TGFBR2: variants seen among roughly 807,000 people sequenced by gnomAD.
TGFBR2 encodes transforming growth factor beta receptor 2.
In TGFBR2, 18 loss-of-function variants were observed where a neutral mutation model predicts 49.0. The observed-to-expected ratio is 0.37, with a 90% CI of 0.25 to 0.54. The LOEUF (loss-of-function observed/expected upper bound fraction) is 0.54. Among genes scored for constraint, TGFBR2 ranks in the 20% least tolerant of loss-of-function variants. The pLI is 0.85. For synonymous variants in TGFBR2, 282 were observed against 275.9 expected (o/e 1.02, Z -0.22); for missense variants, 525 against 722.6 (o/e 0.73, Z 3.13).
At chr3:30,634,233 A>T (rs1698486741) in intron 1 of TGFBR2, among the ~76,000 whole-genome samples, 2 of 152,186 alleles carry the variant, frequency 1.3e-5, no homozygotes, top group African/African-American at 4.8e-5. Flanking sequence ...GATTTTTCAG[A>T]TTCTCTAATA....
At chr3:30,647,487 G>T (rs532863309) in intron 2 of TGFBR2, among the ~76,000 whole-genome samples, 1 of 152,292 alleles carries the variant, frequency 6.6e-6, no homozygotes, top group Admixed American at 6.5e-5. Flanking sequence ...AAAATAGCCA[G>T]TGTGGAAACT....
At chr3:30,654,972 C>T (rs1197203129) in intron 3 of TGFBR2, among the ~76,000 whole-genome samples, 1 of 152,172 alleles carries the variant, frequency 6.6e-6, no homozygotes, top group Non-Finnish European at 1.5e-5. Flanking sequence ...GTGTAATACT[C>T]AAGAATGAGC....
intron 1 of TGFBR2, among the ~76,000 whole-genome samples, chr3:30,620,800 G>A (rs1383321652): frequency 6.6e-6 from 1 of 152,116 alleles, no homozygotes; most frequent in East Asian, 1.9e-4. Flanking sequence ...TGCTGGAATA[G>A]GGATGGCTGA....
chr3:30,687,149 C>G (rs903767323), intron 5 of TGFBR2, among the ~76,000 whole-genome samples: 1 of 152,172 alleles, frequency 6.6e-6, no homozygotes, highest in East Asian at 1.9e-4. Flanking sequence ...TAAGGATGTT[C>G]AAGGAAGTTT....
At chr3:30,625,779 A>G (rs1698321719) in intron 1 of TGFBR2, among the ~76,000 whole-genome samples, 1 of 152,204 alleles carries the variant, frequency 6.6e-6, no homozygotes, top group Non-Finnish European at 1.5e-5. Flanking sequence ...TATGTATATA[A>G]TAATGTTCTG....
chr3:30,691,196 A>G (rs1279385108), intron 6 of TGFBR2, among the ~76,000 whole-genome samples: 3 of 152,214 alleles, frequency 2.0e-5, no homozygotes, highest in Non-Finnish European at 2.9e-5. Context: ...GCCAAAAAGT[A>G]TGGTAGGTTT....
At position 30,672,469 on chromosome 3, in the gene TGFBR2, C is replaced by T; in HGVS notation, c.1254+32C>T. On this transcript the variant is annotated intron_variant, in intron 4 of 6. Coordinates refer to ENST00000295754, the MANE Select transcript of TGFBR2 (RefSeq NM_003242.6). This position sits in a 1 kb window ranked among gnomAD's most constrained non-coding sequence, Gnocchi z 4.5. ...TAGAGCTAGTGCTAGATCCCCTTTA[C>T]CTTGAGCCTGGCCTCACCCTACCTC... is the stretch of plus-strand genomic sequence containing the variant. 6.2e-7 allele frequency: 1 copy of T among 1,610,412 alleles called. No homozygotes were observed. Among genetic ancestry groups the T allele is most frequent in the Non-Finnish European group, 8.5e-7 (1 of 1,176,692 alleles).
intron 2 of TGFBR2, among the ~76,000 whole-genome samples, chr3:30,646,595 A>G (rs796680669): frequency 7.2e-5 from 11 of 152,328 alleles, no homozygotes; most frequent in African/African-American, 2.6e-4. Flanking sequence ...GCATAAGTTT[A>G]GACATTTTCA....
At chr3:30,681,066 G>A (rs1307387645) in intron 5 of TGFBR2, among the ~76,000 whole-genome samples, 3 of 149,210 alleles carry the variant, frequency 2.0e-5, no homozygotes, top group African/African-American at 4.9e-5. Context: ...AAGCTGACAC[G>A]TAGCAGCCAG....
At chr3:30,673,175 C>T (rs959069301) in intron 4 of TGFBR2, among the ~76,000 whole-genome samples, 5 of 152,098 alleles carry the variant, frequency 3.3e-5, no homozygotes, top group South Asian at 2.1e-4. Context: ...TCCATGGCAG[C>T]GCACGCAGTG....
chr3:30,613,098 G>T (rs1419645466), intron 1 of TGFBR2, among the ~76,000 whole-genome samples: 2 of 149,992 alleles, frequency 1.3e-5, no homozygotes, highest in Non-Finnish European at 3.0e-5. Context: ...TGACTGGGGA[G>T]ATTCTATCTG....
Position 30,676,152 on chromosome 3 carries a change from G to A in TGFBR2, c.1396+1906G>A, listed in dbSNP as rs895718116. On this transcript the variant is annotated intron_variant, in intron 5 of 6. Transcript: ENST00000295754. This position sits in a 1 kb window ranked among gnomAD's most constrained non-coding sequence, Gnocchi z 4.3. ...AAATGATAGTGTGCCTATCTTCAGT[G>A]CGTCATATCAGGGGGAATAAGATGT... 6.6e-6 allele frequency among the ~76,000 whole-genome samples: 1 copy of A among 152,158 alleles called. No individual in the cohort carries two copies. The highest frequency in any genetic ancestry group is 2.4e-5 in the African/African-American group (1 of 41,440).
At chr3:30,648,254 T>C (rs1698805163) in intron 2 of TGFBR2, among the ~76,000 whole-genome samples, 1 of 152,144 alleles carries the variant, frequency 6.6e-6, no homozygotes, top group African/African-American at 2.4e-5. Context: ...AGCTAAGAGG[T>C]AGAAAACCGG....
intron 1 of TGFBR2, among the ~76,000 whole-genome samples, chr3:30,627,644 C>G (rs1264873082): frequency 1.3e-5 from 2 of 151,680 alleles, no homozygotes; most frequent in Non-Finnish European, 2.9e-5. Flanking sequence ...ATATCTTATA[C>G]CTGGGCTGTG....
At chr3:30,680,980 A>G (rs1223825968) in intron 5 of TGFBR2, among the ~76,000 whole-genome samples, 3 of 151,702 alleles carry the variant, frequency 2.0e-5, no homozygotes, top group Non-Finnish European at 4.4e-5. Flanking sequence ...CAGGCAAAAT[A>G]CTCTCGTCAT....
In TGFBR2 at chr3:30,632,847, G is replaced by T. The variant is rs17025815; in HGVS notation, c.95-11900G>T. On this transcript the variant is annotated intron_variant, in intron 1 of 6. Transcript: ENST00000295754. ...GTTAAGTGGCCCACAGCTAATACAT[G>T]TAAGAGCCTGAATTCACACTCAAGT... Among the ~76,000 whole-genome samples, 114 of 152,314 alleles carry T rather than the reference G, an allele frequency of 7.5e-4. 1 individual carries two copies. Among genetic ancestry groups the T allele is most frequent in the Non-Finnish European group, 1.2e-3 (85 of 68,022 alleles).
chr3:30,620,874 C>T (rs2125451506), intron 1 of TGFBR2, among the ~76,000 whole-genome samples: 1 of 152,228 alleles, frequency 6.6e-6, no homozygotes, highest in Non-Finnish European at 1.5e-5. Context: ...GGTAAATAAT[C>T]CCATATTGCA....
intron 1 of TGFBR2, among the ~76,000 whole-genome samples, chr3:30,623,828 A>G (rs778445259): frequency 4.6e-5 from 7 of 152,186 alleles, no homozygotes; most frequent in Non-Finnish European, 8.8e-5. Context: ...AAATTCTTAA[A>G]CATGAATGTC....
chr3:30,612,318 A>T (rs560768099), intron 1 of TGFBR2, among the ~76,000 whole-genome samples: 1 of 152,256 alleles, frequency 6.6e-6, no homozygotes, highest in East Asian at 1.9e-4. Context: ...GCCTGGGTGC[A>T]TGTATGAGTG....
Sources: gnomAD v4.1 joint callset for allele counts (sites outside exome capture counted in the v4.1 genomes callset) on GRCh38, gnomAD v4.1.1 for gene constraint, Gnocchi (gnomAD v3.1) non-coding constraint, MANE v1.5 for transcripts, NCBI Gene and HGNC (gene_info 2026-07-23, HGNC 2026-07-21) for gene names.